PDE11A: variants seen among roughly 807,000 people sequenced by gnomAD.
The protein encoded by PDE11A is phosphodiesterase 11A, also known as dual 3',5'-cyclic-AMP and -GMP phosphodiesterase 11A.
In PDE11A, 100 loss-of-function variants were observed where a neutral mutation model predicts 100.5. The observed-to-expected ratio is 1.00, with a 90% CI of 0.85 to 1.18. The LOEUF is 1.18. Ranked by LOEUF, PDE11A falls within the 50% of genes most tolerant of loss-of-function variation. The pLI is 0.00. For missense variants in PDE11A, 1,141 were observed against 1,152.6 expected, an observed-to-expected ratio of 0.99 and a Z score of 0.15; for synonymous variants, 381 against 420.8, an observed-to-expected ratio of 0.91 and a Z score of 1.16.
intron 15 of PDE11A, among the ~76,000 whole-genome samples, 179 bp from the exon 16 acceptor site, chr2:177,681,082 T>A (rs2080855363): frequency 6.6e-6 from 1 of 152,190 alleles, no homozygotes; most frequent in African/African-American, 2.4e-5. Context: ...TAAAAAATGT[T>A]GAGGCTTCAA....
intron 2 of PDE11A, among the ~76,000 whole-genome samples, chr2:178,081,609 T>C (rs577367881): frequency 6.6e-6 from 1 of 152,298 alleles, no homozygotes; most frequent in African/African-American, 2.4e-5. Flanking sequence ...TCACCAAATT[T>C]TCCCCTACTA....
Position 177,816,718 on chromosome 2 carries a change from G to A in PDE11A, c.1737+111C>T, listed in dbSNP as rs541441610. 2.0e-4 allele frequency: 150 copies of A among 761,350 alleles called. 2 individuals carry two copies. The highest frequency in any genetic ancestry group is 1.6e-3 in the South Asian group (112 of 71,884). 47.2% of individuals were successfully genotyped at this position (761,350 alleles called of 1,614,324 possible). On this transcript the variant is annotated intron_variant, in intron 9 of 19. Transcript: ENST00000286063. ...AAACCCACAACCTAAAATGATTAAG[G>A]CCCAATGAATAATTAAAATTTGAGA... is the stretch of plus-strand genomic sequence containing the variant.
In PDE11A at chr2:177,680,903, C is replaced by T. The variant is rs768948955; in HGVS notation, c.2346G>A (p.Glu782=). Residue 782 remains glutamate, a splice_region_variant and synonymous_variant, in exon 16 of 20, where the codon GAG becomes GAA. Transcript: ENST00000286063. The part of the protein sequence containing the change: ...ILATDLTLYF[E]RRTEFFELVS... ...CAAGTTCAAAGAATTCAGTTCTCCT[C>T]CTGCAGGAAAATCAAATGAAGAAAG... The T allele has an allele frequency of 3.9e-6, 6 of 1,540,224 alleles. No individual in the cohort carries two copies. The Admixed American group carries it at 1.0e-4, about 26-fold the overall frequency.
intron 4 of PDE11A, among the ~76,000 whole-genome samples, chr2:177,883,349 T>C (rs919689995): frequency 6.6e-6 from 1 of 152,190 alleles, no homozygotes; most frequent in Non-Finnish European, 1.5e-5. Context: ...TATGCCAATT[T>C]ACTCTAATCA....
intron 9 of PDE11A, among the ~76,000 whole-genome samples, chr2:177,814,324 T>A (rs6729482): frequency 0.41 from 61,704 of 151,888 alleles, 14,373 homozygotes; most frequent in African/African-American, 0.64. Flanking sequence ...TATACGTATA[T>A]CTCATTCCTG....
intron 10 of PDE11A, among the ~76,000 whole-genome samples, chr2:177,767,613 T>C (rs1035615249): frequency 6.6e-6 from 1 of 152,124 alleles, no homozygotes; most frequent in African/African-American, 2.4e-5. Flanking sequence ...ATATTTTTGA[T>C]GGAAAATGTA....
intron 1 of PDE11A, among the ~76,000 whole-genome samples, chr2:178,049,550 G>A (rs554143403): frequency 1.3e-5 from 2 of 152,330 alleles, no homozygotes; most frequent in South Asian, 4.1e-4. Flanking sequence ...AGCAGGGCAA[G>A]GCATCGCCTC....
intron 12 of PDE11A, among the ~76,000 whole-genome samples, chr2:177,719,375 GCT>G (rs1480792748): frequency 6.6e-6 from 1 of 152,114 alleles, no homozygotes; most frequent in African/African-American, 2.4e-5. Context: ...AAGACAGTAG[GCT>G]CCATATGCTC....
At chr2:177,947,014 G>A in intron 2 of PDE11A, among the ~76,000 whole-genome samples, 1 of 130,654 alleles carries the variant, frequency 7.7e-6, no homozygotes, top group African/African-American at 2.9e-5. Context: ...AAGGAGGTGG[G>A]GGGGGTCAGC....
intron 2 of PDE11A, among the ~76,000 whole-genome samples, chr2:177,941,942 T>C (rs1408044371): frequency 6.6e-6 from 1 of 152,228 alleles, no homozygotes. Flanking sequence ...GTCCATCTAG[T>C]TGAGATAAGC....
intron 5 of PDE11A, among the ~76,000 whole-genome samples, chr2:177,871,456 C>T (rs776230326): frequency 2.6e-5 from 4 of 151,870 alleles, no homozygotes; most frequent in Non-Finnish European, 4.4e-5. Flanking sequence ...TCATAGAACG[C>T]TGCTCTGTCA....
chr2:177,763,800 T>C (rs938732129), intron 10 of PDE11A, among the ~76,000 whole-genome samples: 1 of 152,210 alleles, frequency 6.6e-6, no homozygotes, highest in Non-Finnish European at 1.5e-5. Context: ...GGAAATTGAT[T>C]GCACAGGGCG....
At chr2:177,690,735 T>A (rs1165538043) in intron 15 of PDE11A, among the ~76,000 whole-genome samples, 1 of 152,018 alleles carries the variant, frequency 6.6e-6, no homozygotes, top group Non-Finnish European at 1.5e-5. Flanking sequence ...ATTTTCAATT[T>A]GAAGATAAGT....
chr2:177,798,972 G>A (rs1378880443), intron 9 of PDE11A, among the ~76,000 whole-genome samples: 1 of 152,146 alleles, frequency 6.6e-6, no homozygotes, highest in Non-Finnish European at 1.5e-5. Context: ...GACGATCAAG[G>A]TTAACATCAA....
intron 2 of PDE11A, among the ~76,000 whole-genome samples, chr2:178,096,349 A>ATTTTTACTAGAGGCAGGGTTTCACTGTG (rs2087491377): frequency 1.7e-5 from 2 of 120,282 alleles, no homozygotes; most frequent in African/African-American, 6.5e-5. Context: ...TTTTTTTTGT[A>ATTTTTACTAGAGGCAGGGTTTCACTGTG]TTTTTACTAG....
At chr2:177,939,577 AAGGT>A (rs1290600090) in intron 2 of PDE11A, among the ~76,000 whole-genome samples, 1 of 147,950 alleles carries the variant, frequency 6.8e-6, no homozygotes, top group Non-Finnish European at 1.5e-5. Context: ...GGAAGGAAGG[AAGGT>A]AGGTTGACTC....
At chr2:177,662,044 A>C in intron 19 of PDE11A, among the ~76,000 whole-genome samples, 1 of 152,242 alleles carries the variant, frequency 6.6e-6, no homozygotes. Flanking sequence ...GTGAAAAATC[A>C]GGACGATATA....
Position 177,675,481 on chromosome 2 carries a change from T to A in PDE11A, c.2461A>T (p.Thr821Ser). 1 of 1,613,616 alleles carries A rather than the reference T, an allele frequency of 6.2e-7. No homozygotes were observed. The highest frequency in any genetic ancestry group is 2.2e-5 in the East Asian group (1 of 44,850). ...LMTACDLGAV[T>S]KPWEISRQVA... ...TGTCTGGAGATCTCCCACGGTTTGGTCACGGCTCCAAGGTCACAGGCTGTC... is the reference window on the plus strand; with the variant it reads ...TGTCTGGAGATCTCCCACGGTTTGGACACGGCTCCAAGGTCACAGGCTGTC... The change falls in exon 17 of 20, where the codon ACC becomes TCC. Residue 821 changes from threonine to serine, a missense_variant. Transcript: ENST00000286063.
chr2:177,689,227 C>T (rs1320120500), intron 15 of PDE11A, among the ~76,000 whole-genome samples: 1 of 152,150 alleles, frequency 6.6e-6, no homozygotes, highest in Non-Finnish European at 1.5e-5. Flanking sequence ...GGATTACAGG[C>T]ATGCACCACC....
Sources: allele counts gnomAD v4.1 joint callset (sites outside exome capture counted in the v4.1 genomes callset), GRCh38; gene constraint gnomAD v4.1.1; transcripts MANE v1.5; gene names NCBI Gene and HGNC (gene_info 2026-07-23, HGNC 2026-07-21).